ARL8B: variants seen among roughly 807,000 people sequenced by gnomAD.
ARL8B encodes the protein ADP-ribosylation factor-like protein 8B.
A neutral mutation model predicts 30.6 loss-of-function variants in ARL8B; 9 were observed. The ratio of observed to expected loss-of-function variants is 0.29; its 90% CI spans 0.18 to 0.51. ARL8B has a LOEUF of 0.51. ARL8B is among the 20% of genes least tolerant of loss of function. ARL8B has a pLI of 0.97. For synonymous variants in ARL8B, 74 were observed against 76.0 expected, an observed-to-expected ratio of 0.97 and a Z score of 0.14; for missense variants, 130 against 227.2, an observed-to-expected ratio of 0.57 and a Z score of 2.75.
At chr3:5,154,726 G>A (rs532951739) in intron 1 of ARL8B, among the ~76,000 whole-genome samples, 3 of 151,188 alleles carry the variant, frequency 2.0e-5, no homozygotes, top group Admixed American at 6.6e-5. Flanking sequence ...TCTACATTCT[G>A]TCTATGATTA....
In ARL8B at chr3:5,139,896, G is replaced by A. The variant is rs1013438164; in HGVS notation, c.123+17308G>A. On this transcript the variant is annotated intron_variant, in intron 1 of 6. Coordinates refer to ENST00000256496, the MANE Select transcript of ARL8B (RefSeq NM_018184.3). ...AAATTAGGGCAGTATGCAGTGCAAGGCTTGCAGGGCTCATAGGTCTTTCTG... is the reference window on the plus strand; with the variant it reads ...AAATTAGGGCAGTATGCAGTGCAAGACTTGCAGGGCTCATAGGTCTTTCTG... Among the ~76,000 whole-genome samples the A allele has an allele frequency of 8.5e-5, 13 of 152,126 alleles. No homozygotes were observed. The East Asian group carries it at 2.5e-3, about 29-fold the overall frequency.
chr3:5,162,290 T>C (rs1382991357), intron 1 of ARL8B, among the ~76,000 whole-genome samples: 3 of 152,238 alleles, frequency 2.0e-5, no homozygotes, highest in Admixed American at 2.0e-4. Flanking sequence ...GGAGCCACAG[T>C]CAGTCCATTT....
At chr3:5,129,372 C>G (rs137935641) in intron 1 of ARL8B, among the ~76,000 whole-genome samples, 35 of 152,228 alleles carry the variant, frequency 2.3e-4, no homozygotes, top group Admixed American at 8.5e-4. Context: ...TAAAGTTGGA[C>G]TTTGGTTAAG....
At chr3:5,173,235 G>A (rs80237676) in intron 4 of ARL8B, among the ~76,000 whole-genome samples, 1,823 of 152,310 alleles carry the variant, frequency 0.012, 17 homozygotes, top group South Asian at 0.029. Context: ...GACAGTTGGA[G>A]GGGAAGAGAG....
intron 1 of ARL8B, among the ~76,000 whole-genome samples, chr3:5,139,303 A>G (rs1224649037): frequency 6.6e-6 from 1 of 152,174 alleles, no homozygotes; most frequent in Non-Finnish European, 1.5e-5. Context: ...TAGTATTTGT[A>G]AACATTTTCT....
At chr3:5,133,573 A>G (rs1056036204) in intron 1 of ARL8B, among the ~76,000 whole-genome samples, 3 of 152,194 alleles carry the variant, frequency 2.0e-5, no homozygotes, top group Admixed American at 6.5e-5. Context: ...AGCAAACAGC[A>G]GTTACAGGGT....
chr3:5,140,753 G>T (rs2054366564), intron 1 of ARL8B, among the ~76,000 whole-genome samples: 1 of 152,120 alleles, frequency 6.6e-6, no homozygotes, highest in Non-Finnish European at 1.5e-5. Context: ...TATAATAATT[G>T]TTCCTGGGGC....
intron 1 of ARL8B, among the ~76,000 whole-genome samples, chr3:5,140,733 A>G (rs2054366226): frequency 6.6e-6 from 1 of 152,078 alleles, no homozygotes; most frequent in African/African-American, 2.4e-5. Flanking sequence ...TGTCATCTGA[A>G]ATTCTAGGCT....
intron 1 of ARL8B, among the ~76,000 whole-genome samples, chr3:5,122,943 G>C (rs1228509357): frequency 6.6e-6 from 1 of 152,222 alleles, no homozygotes; most frequent in Non-Finnish European, 1.5e-5. Flanking sequence ...CAGCCAAAGA[G>C]TTAAGTCCAG....
rs563471536 is a variant in ARL8B at position 5,128,533 on chromosome 3, C to T, written c.123+5945C>T. On this transcript the variant is annotated intron_variant, in intron 1 of 6. Coordinates refer to ENST00000256496, the MANE Select transcript of ARL8B (RefSeq NM_018184.3). ...GCAATAATGCATTCTAAATGCCTGTCTTAGAAGATATTTCACAAGTTAATG... is the reference window on the plus strand; with the variant it reads ...GCAATAATGCATTCTAAATGCCTGTTTTAGAAGATATTTCACAAGTTAATG... The T allele has an allele frequency of 1.1e-3, 451 of 421,020 alleles. 4 individuals carry two copies. Among genetic ancestry groups the T allele is most frequent in the South Asian group, 6.8e-3 (393 of 57,718 alleles). 26.1% of individuals were successfully genotyped at this position (421,020 alleles called of 1,614,324 possible). A position where few individuals can be genotyped will look rare whatever the true frequency, so the allele number is the denominator to read the frequency against.
At chr3:5,151,094 A>G (rs1018364818) in intron 1 of ARL8B, among the ~76,000 whole-genome samples, 9 of 152,074 alleles carry the variant, frequency 5.9e-5, no homozygotes, top group South Asian at 4.2e-4. Context: ...TTGTTTATCA[A>G]TTTTAATTAT....
intron 1 of ARL8B, among the ~76,000 whole-genome samples, chr3:5,161,251 A>C (rs341992): frequency 0.99 from 150,392 of 152,298 alleles, 74,281 homozygotes; most frequent in East Asian, 1. Flanking sequence ...CCCCTGTCCC[A>C]TAAGGCAAAT....
chr3:5,130,507 G>T (rs1358002225), intron 1 of ARL8B, among the ~76,000 whole-genome samples: 1 of 151,808 alleles, frequency 6.6e-6, no homozygotes, highest in Admixed American at 6.6e-5. Context: ...ATAGTGGGAT[G>T]CTGCTTGCTT....
chr3:5,146,757 C>T (rs757844140), intron 1 of ARL8B, among the ~76,000 whole-genome samples: 23 of 152,130 alleles, frequency 1.5e-4, no homozygotes, highest in Non-Finnish European at 3.4e-4. Context: ...CGTTCTGGTC[C>T]CAATCTAATT....
intron 1 of ARL8B, among the ~76,000 whole-genome samples, chr3:5,125,466 T>A (rs1448000453): frequency 6.7e-6 from 1 of 150,332 alleles, no homozygotes; most frequent in Admixed American, 6.7e-5. Context: ...CATTAGATTA[T>A]TATATTTAAC....
intron 2 of ARL8B, 106 bp downstream of exon 2, chr3:5,170,689 A>G (rs1270644154): frequency 1.4e-6 from 1 of 698,362 alleles, no homozygotes; most frequent in Non-Finnish European, 2.4e-6. Flanking sequence ...TTTTTCAGTA[A>G]TGAATGTGCA....
intron 1 of ARL8B, among the ~76,000 whole-genome samples, chr3:5,137,360 A>G (rs2054336449): frequency 6.6e-6 from 1 of 151,776 alleles, no homozygotes; most frequent in African/African-American, 2.4e-5. Flanking sequence ...TGGGAATTCA[A>G]TTTCAGAAGG....
chr3:5,150,509 A>G (rs3967124), intron 1 of ARL8B, among the ~76,000 whole-genome samples: 62,467 of 151,696 alleles, frequency 0.41, 14,202 homozygotes, highest in African/African-American at 0.63. Context: ...GGAGCCAGGC[A>G]TGGTGGCTCA....
At position 5,179,733 on chromosome 3, in the gene ARL8B, T is replaced by C. The variant is rs1246600683; in HGVS notation, c.*1020T>C. On this transcript the variant is annotated 3_prime_UTR_variant, in exon 7 of 7. Coordinates refer to ENST00000256496, the MANE Select transcript of ARL8B (RefSeq NM_018184.3). The stretch of plus-strand genomic sequence containing the variant: ...CAAATAAAAAATTTTTATTTTTCTC[T>C]CTTACTGATGTAAGCTTTGGCACTC... 6.6e-6 allele frequency: 1 copy of C among 152,538 alleles called. No individual in the cohort carries two copies. The highest frequency in any genetic ancestry group is 2.4e-5 in the African/African-American group (1 of 41,470). 9.4% of individuals were successfully genotyped at this position (152,538 alleles called of 1,614,324 possible).
Sources: gnomAD v4.1 joint callset for allele counts (sites outside exome capture counted in the v4.1 genomes callset) on GRCh38, gnomAD v4.1.1 for gene constraint, MANE v1.5 for transcripts, NCBI Gene and HGNC (gene_info 2026-07-23, HGNC 2026-07-21) for gene names.